Variants in CTIF observed in about 807,000 individuals in gnomAD.
The protein encoded by CTIF is CBP80/20-dependent translation initiation factor.
In CTIF, 21 loss-of-function variants were observed where a neutral mutation model predicts 66.0. That is an observed-to-expected ratio of 0.32 (90% CI 0.23 to 0.46). CTIF has a LOEUF of 0.46. Among genes scored for constraint, CTIF ranks in the 20% least tolerant of loss-of-function variants. The probability of loss-of-function intolerance (pLI) is 1.00; values close to 1 mark genes in which losing one functional copy is unlikely to be tolerated. For missense variants in CTIF, 739 were observed against 812.7 expected, an observed-to-expected ratio of 0.91 and a Z score of 1.10; for synonymous variants, 345 against 326.4, an observed-to-expected ratio of 1.06 and a Z score of -0.62.
intron 1 of CTIF, among the ~76,000 whole-genome samples, chr18:48,550,555 CT>C (rs2088858260): frequency 2.0e-5 from 3 of 152,228 alleles, no homozygotes. Flanking sequence ...ACCATGCAAG[CT>C]AAGAGACAAA....
At chr18:48,823,976 C>CACACACACACACA (rs2068532607) in intron 10 of CTIF, among the ~76,000 whole-genome samples, 5 of 124,104 alleles carry the variant, frequency 4.0e-5, no homozygotes, top group African/African-American at 1.1e-4. Context: ...CCTAAAGACT[C>CACACACACACACA]CACACACACA....
intron 1 of CTIF, chr18:48,566,932 C>G (rs1053687008): frequency 6.6e-6 from 1 of 152,186 alleles, no homozygotes; most frequent in Admixed American, 6.5e-5. Context: ...GCCTGTCTAA[C>G]AGACTGTGGA....
At chr18:48,753,809 T>C (rs1338822908) in intron 7 of CTIF, among the ~76,000 whole-genome samples, 2 of 152,186 alleles carry the variant, frequency 1.3e-5, no homozygotes, top group Non-Finnish European at 2.9e-5. Context: ...CACATGTCCA[T>C]GTGTCTGAGA....
rs1016932876 is a variant in CTIF, at chr18:48,860,037, C to T, written c.*478C>T. On this transcript the variant is annotated 3_prime_UTR_variant, in exon 12 of 12. Transcript: ENST00000256413. Reference sequence around the variant, plus strand: ...GCTGTCAGCCGCAGTCGCCAACTGGCAGCAGGCGACGTGTAGCAGATGTCC... The same window carrying T: ...GCTGTCAGCCGCAGTCGCCAACTGGTAGCAGGCGACGTGTAGCAGATGTCC... The T allele has an allele frequency of 3.2e-5, 14 of 434,596 alleles. No homozygotes were observed. Among genetic ancestry groups the T allele is most frequent in the Non-Finnish European group, 6.1e-5 (13 of 213,112 alleles). The allele number at this position is 434,596 out of a possible 1,614,324, so 26.9% of individuals were successfully genotyped here.
chr18:48,626,085 T>TC (rs567112333), intron 2 of CTIF, among the ~76,000 whole-genome samples: 42 of 135,012 alleles, frequency 3.1e-4, no homozygotes, highest in African/African-American at 1.1e-3. Flanking sequence ...CACTGCAACC[T>TC]CCCCCCACCG....
At chr18:48,548,879 C>G (rs1396759262) in intron 1 of CTIF, among the ~76,000 whole-genome samples, 2 of 152,222 alleles carry the variant, frequency 1.3e-5, no homozygotes, top group African/African-American at 2.4e-5. Flanking sequence ...CCCATCTGCC[C>G]ATCTTGCTGG....
intron 2 of CTIF, among the ~76,000 whole-genome samples, chr18:48,625,587 T>C (rs1320488840): frequency 6.6e-6 from 1 of 152,180 alleles, no homozygotes; most frequent in Non-Finnish European, 1.5e-5. Flanking sequence ...CTTGAAGAAA[T>C]ACAATATTGT....
chr18:48,606,042 GGC>G (rs1439185986), intron 1 of CTIF, among the ~76,000 whole-genome samples: 1 of 152,204 alleles, frequency 6.6e-6, no homozygotes, highest in Non-Finnish European at 1.5e-5. Flanking sequence ...TCTCTGGCTT[GGC>G]AATCTGTTGT....
chr18:48,677,830 TCC>T (rs1322946708), intron 6 of CTIF, among the ~76,000 whole-genome samples: 1 of 152,198 alleles, frequency 6.6e-6, no homozygotes, highest in African/African-American at 2.4e-5. Context: ...CCAGAGGGAC[TCC>T]CACCCAGCAT....
chr18:48,548,349 T>G (rs1419485420), intron 1 of CTIF, among the ~76,000 whole-genome samples: 1 of 152,222 alleles, frequency 6.6e-6, no homozygotes. Context: ...ATCAAGAAAG[T>G]GACCTGCTAG....
intron 2 of CTIF, among the ~76,000 whole-genome samples, chr18:48,634,283 G>A (rs1488398971): frequency 1.3e-5 from 2 of 152,170 alleles, no homozygotes; most frequent in African/African-American, 4.8e-5. Flanking sequence ...TGTTACTGGT[G>A]ATATTAACCT....
At chr18:48,838,226 C>A (rs1333690540) in intron 10 of CTIF, among the ~76,000 whole-genome samples, 1 of 152,222 alleles carries the variant, frequency 6.6e-6, no homozygotes, top group Non-Finnish European at 1.5e-5. Context: ...TCTCCCAACA[C>A]CCCGGCACAT....
intron 10 of CTIF, among the ~76,000 whole-genome samples, chr18:48,834,150 C>A (rs1173363672): frequency 3.9e-5 from 6 of 151,994 alleles, no homozygotes; most frequent in Non-Finnish European, 5.9e-5. Context: ...GGCCAAGAGG[C>A]AAAGCCGAGT....
chr18:48,795,311 G>A (rs902864463), intron 9 of CTIF, among the ~76,000 whole-genome samples: 2 of 152,130 alleles, frequency 1.3e-5, no homozygotes, highest in Non-Finnish European at 2.9e-5. Flanking sequence ...CACCCTGCAG[G>A]TGGGCCTTAG....
intron 9 of CTIF, among the ~76,000 whole-genome samples, chr18:48,815,979 C>G (rs1023029994): frequency 3.9e-5 from 6 of 152,318 alleles, no homozygotes; most frequent in African/African-American, 1.2e-4. Context: ...CACAATGTCT[C>G]TTGTGTCACT....
chr18:48,762,226 T>C (rs1007617817), intron 9 of CTIF, among the ~76,000 whole-genome samples: 4 of 152,148 alleles, frequency 2.6e-5, no homozygotes, highest in Admixed American at 6.5e-5. Flanking sequence ...TGCAAGACTG[T>C]CTTCATCCTT....
At chr18:48,659,310 C>T (rs915084364) in intron 3 of CTIF, among the ~76,000 whole-genome samples, 2 of 152,156 alleles carry the variant, frequency 1.3e-5, no homozygotes, top group East Asian at 1.9e-4. Flanking sequence ...GTCTTCATGG[C>T]GATCTCCTTC....
At chr18:48,840,758 T>G (rs1245613659) in intron 10 of CTIF, among the ~76,000 whole-genome samples, 1 of 152,140 alleles carries the variant, frequency 6.6e-6, no homozygotes, top group Non-Finnish European at 1.5e-5. Context: ...CCCTACCCAG[T>G]TGGTCCTTGG....
At chr18:48,726,041 A>G (rs2092384150) in intron 7 of CTIF, among the ~76,000 whole-genome samples, 2 of 152,194 alleles carry the variant, frequency 1.3e-5, no homozygotes, top group South Asian at 4.1e-4. Flanking sequence ...CATGTTGCTC[A>G]ACTATAAAAT....
Sources: gnomAD v4.1 joint callset for allele counts (sites outside exome capture counted in the v4.1 genomes callset) on GRCh38, gnomAD v4.1.1 for gene constraint, MANE v1.5 for transcripts, NCBI Gene and HGNC (gene_info 2026-07-23, HGNC 2026-07-21) for gene names.